The following PEBP4 variants were observed in gnomAD, a reference collection of about 807,000 sequenced individuals.
The protein encoded by PEBP4 is phosphatidylethanolamine-binding protein 4.
Under a neutral mutation model 23.9 loss-of-function variants are expected in PEBP4, and 22 were observed. That is an observed-to-expected ratio of 0.92 (90% CI 0.66 to 1.31). The LOEUF is 1.31. PEBP4 is among the 40% of genes most tolerant of loss of function. PEBP4 has a pLI of 0.00. For missense variants in PEBP4, 324 were observed against 281.7 expected (o/e 1.15, Z -1.07); for synonymous variants, 112 against 99.3 (o/e 1.13, Z -0.76).
At chr8:22,784,938 C>T (rs761259775) in intron 4 of PEBP4, among the ~76,000 whole-genome samples, 5 of 152,284 alleles carry the variant, frequency 3.3e-5, no homozygotes, top group African/African-American at 7.2e-5. Context: ...TCCATCTGGG[C>T]GTCACCTTTT....
chr8:22,860,691 C>T (rs1033174437), intron 3 of PEBP4, among the ~76,000 whole-genome samples: 3 of 152,204 alleles, frequency 2.0e-5, no homozygotes, highest in Non-Finnish European at 4.4e-5. Context: ...ATACGTACTC[C>T]GTGGAGCTTT....
chr8:22,780,371 TA>T (rs1424956926), intron 4 of PEBP4, among the ~76,000 whole-genome samples: 1 of 152,150 alleles, frequency 6.6e-6, no homozygotes, highest in Non-Finnish European at 1.5e-5. Context: ...ACCTTTTCAA[TA>T]GCTTTCTGAG....
chr8:22,769,647 C>G (rs1805679419), intron 4 of PEBP4, among the ~76,000 whole-genome samples: 1 of 152,178 alleles, frequency 6.6e-6, no homozygotes, highest in South Asian at 2.1e-4. Flanking sequence ...GTCATCTCCC[C>G]ATCACCCAGC....
chr8:22,896,764 T>A (rs1354979611), intron 3 of PEBP4, among the ~76,000 whole-genome samples: 2 of 152,136 alleles, frequency 1.3e-5, no homozygotes, highest in East Asian at 3.8e-4. Flanking sequence ...GTGCCTCAAC[T>A]ATGTCATGAC....
intron 4 of PEBP4, among the ~76,000 whole-genome samples, chr8:22,766,701 G>A (rs1316038107): frequency 6.6e-6 from 1 of 152,180 alleles, no homozygotes; most frequent in African/African-American, 2.4e-5. Context: ...GCGGTTGGGG[G>A]AATGGAATCC....
intron 3 of PEBP4, among the ~76,000 whole-genome samples, chr8:22,849,443 G>A (rs1807506704): frequency 6.6e-6 from 1 of 152,216 alleles, no homozygotes; most frequent in South Asian, 2.1e-4. Flanking sequence ...AGGTCAGTTA[G>A]AGGGCAGAAG....
rs369994859 is a variant in PEBP4 at position 22,920,954 on chromosome 8, A to C, written c.132-644T>G. On this transcript the variant is annotated intron_variant, in intron 2 of 6. Coordinates refer to ENST00000256404, the MANE Select transcript of PEBP4 (RefSeq NM_144962.3). ...CTAAGACTGTCAGTATGAATGAACC[A>C]GTTCATGTATTTGCTCCCTGAGAAG... is the stretch of plus-strand genomic sequence containing the variant. Among the ~76,000 whole-genome samples, 27 of 152,360 alleles carry C rather than the reference A, an allele frequency of 1.8e-4. 1 individual carries two copies. Among genetic ancestry groups the C allele is most frequent in the African/African-American group, 6.5e-4 (27 of 41,580 alleles).
At chr8:22,722,929 C>A (rs994897079) in intron 6 of PEBP4, among the ~76,000 whole-genome samples, 3 of 147,952 alleles carry the variant, frequency 2.0e-5, no homozygotes, top group Admixed American at 6.9e-5. Flanking sequence ...CCCACCGCCA[C>A]GCTGGGCTAA....
intron 4 of PEBP4, among the ~76,000 whole-genome samples, chr8:22,754,263 G>A (rs1307994355): frequency 6.6e-6 from 1 of 152,136 alleles, no homozygotes; most frequent in African/African-American, 2.4e-5. Flanking sequence ...AGTTGTGAAA[G>A]TCCCTGGGAT....
chr8:22,905,438 T>A (rs1437003218), intron 3 of PEBP4, among the ~76,000 whole-genome samples: 1 of 152,260 alleles, frequency 6.6e-6, no homozygotes, highest in African/African-American at 2.4e-5. Flanking sequence ...GTGCAGAGTT[T>A]CAAATGTTGT....
chr8:22,752,896 C>T (rs989769060), intron 4 of PEBP4, among the ~76,000 whole-genome samples: 2 of 152,200 alleles, frequency 1.3e-5, no homozygotes, highest in Admixed American at 1.3e-4. Flanking sequence ...TGGGGATGCC[C>T]GTTAATTTTA....
At chr8:22,866,897 G>C (rs1807914680) in intron 3 of PEBP4, among the ~76,000 whole-genome samples, 1 of 152,222 alleles carries the variant, frequency 6.6e-6, no homozygotes, top group Non-Finnish European at 1.5e-5. Context: ...CCTAGTGGAA[G>C]TGGAGGAGCT....
intron 3 of PEBP4, among the ~76,000 whole-genome samples, chr8:22,918,528 TC>T (rs1809127469): frequency 6.6e-6 from 1 of 152,040 alleles, no homozygotes; most frequent in African/African-American, 2.4e-5. Context: ...AGGCTTCAAA[TC>T]CCTGCTCTGG....
intron 3 of PEBP4, among the ~76,000 whole-genome samples, chr8:22,911,764 G>C (rs950104310): frequency 1.3e-5 from 2 of 152,220 alleles, no homozygotes; most frequent in South Asian, 2.1e-4. Flanking sequence ...ACTGACGCTT[G>C]TTCAATGCCT....
chr8:22,835,351 A>G (rs1028676596), intron 3 of PEBP4, among the ~76,000 whole-genome samples: 2 of 152,254 alleles, frequency 1.3e-5, no homozygotes, highest in South Asian at 4.1e-4. Flanking sequence ...CCCCTGGAGC[A>G]GCAGTGACCT....
chr8:22,928,535 G>A (rs1350423867), upstream of PEBP4, among the ~76,000 whole-genome samples: 1 of 152,190 alleles, frequency 6.6e-6, no homozygotes, highest in Non-Finnish European at 1.5e-5. Flanking sequence ...GGGAGCCGGG[G>A]ACTGTCGCCT....
At chr8:22,939,045 A>C (rs73672944) in intron 1 of PEBP4, among the ~76,000 whole-genome samples, 2,457 of 152,290 alleles carry the variant, frequency 0.016, 68 homozygotes, top group African/African-American at 0.056. Flanking sequence ...TGTACCTTTC[A>C]TTTCAGATGA....
chr8:22,797,857 C>T (rs1585278293), intron 4 of PEBP4, among the ~76,000 whole-genome samples: 1 of 152,230 alleles, frequency 6.6e-6, no homozygotes, highest in Middle Eastern at 3.4e-3. Flanking sequence ...GTGCCCTGAC[C>T]AGGATGATGG....
Position 22,713,327 on chromosome 8 carries a change from G to T in PEBP4, c.*43C>A. ...GGGGTTCCATACCCACATCGTCGGT[G>T]GTGGGCAGTGTGGCCACATGCCCGG... is the stretch of plus-strand genomic sequence containing the variant. On this transcript the variant is annotated 3_prime_UTR_variant, in exon 7 of 7. Transcript: ENST00000256404. 2 of 1,537,526 alleles carry T rather than the reference G, an allele frequency of 1.3e-6. No individual in the cohort carries two copies. Among genetic ancestry groups the T allele is most frequent in the South Asian group, 2.5e-5 (2 of 79,016 alleles).
Sources: allele counts gnomAD v4.1 joint callset (sites outside exome capture counted in the v4.1 genomes callset), GRCh38; gene constraint gnomAD v4.1.1; transcripts MANE v1.5; gene names NCBI Gene and HGNC (gene_info 2026-07-23, HGNC 2026-07-21).